Variants in CMPK1 observed in about 807,000 individuals in gnomAD.
The protein encoded by CMPK1 is cytidine/uridine monophosphate kinase 1.
A neutral mutation model predicts 25.7 loss-of-function variants in CMPK1; 10 were observed. That is an observed-to-expected ratio of 0.39 (90% CI 0.24 to 0.66). The LOEUF is 0.66. CMPK1 is among the 30% of genes least tolerant of loss of function. The pLI is 0.48. For synonymous variants in CMPK1, 106 were observed against 101.5 expected (o/e 1.04, Z -0.27); for missense variants, 199 against 280.5 (o/e 0.71, Z 2.08).
chr1:47,365,454 C>T (rs1042112717), intron 1 of CMPK1, among the ~76,000 whole-genome samples: 2 of 151,054 alleles, frequency 1.3e-5, no homozygotes, highest in Non-Finnish European at 3.0e-5. Context: ...GGTAACATGG[C>T]AAAACCCCAT....
chr1:47,366,252 G>A (rs550833283), intron 1 of CMPK1, among the ~76,000 whole-genome samples: 2 of 152,306 alleles, frequency 1.3e-5, no homozygotes, highest in East Asian at 3.9e-4. Context: ...TATAGTATTT[G>A]TAAGTTGCTA....
chr1:47,373,877 G>A (rs1646691918), intron 3 of CMPK1, among the ~76,000 whole-genome samples: 1 of 151,916 alleles, frequency 6.6e-6, no homozygotes. Flanking sequence ...GTAAAAAAAT[G>A]TACTTTTCTT....
chr1:47,358,788 ATAT>A (rs770392313), intron 1 of CMPK1: 2 of 984,080 alleles, frequency 2.0e-6, no homozygotes, highest in Non-Finnish European at 2.4e-6. Flanking sequence ...TGTTTGCTTA[ATAT>A]TATTATTTAG....
intron 1 of CMPK1, among the ~76,000 whole-genome samples, 160 bp from the exon 2 acceptor site, chr1:47,368,309 T>C (rs763921862): frequency 6.6e-6 from 1 of 152,342 alleles, no homozygotes; most frequent in Non-Finnish European, 1.5e-5. Flanking sequence ...AACTGGATTA[T>C]GGGAAATATC....
chr1:47,363,237 C>G (rs955958885), intron 1 of CMPK1, among the ~76,000 whole-genome samples: 3 of 152,162 alleles, frequency 2.0e-5, no homozygotes, highest in Non-Finnish European at 4.4e-5. Flanking sequence ...GAGGAGTGTA[C>G]TGAATGTGTA....
At chr1:47,375,716 C>T (rs1404945159) in intron 5 of CMPK1, among the ~76,000 whole-genome samples, 2 of 152,208 alleles carry the variant, frequency 1.3e-5, no homozygotes, top group African/African-American at 4.8e-5. Context: ...GAGCTCCAGG[C>T]TTCTTTCTTC....
chr1:47,347,064 T>C (rs1253105391), intron 1 of CMPK1, among the ~76,000 whole-genome samples: 2 of 152,166 alleles, frequency 1.3e-5, no homozygotes, highest in African/African-American at 4.8e-5. Context: ...ATTATAGGCA[T>C]GAGCCATTGT....
At chr1:47,353,521 T>G (rs1646536740) in intron 1 of CMPK1, among the ~76,000 whole-genome samples, 1 of 152,238 alleles carries the variant, frequency 6.6e-6, no homozygotes, top group Admixed American at 6.5e-5. Flanking sequence ...GCTGCTATTC[T>G]CTATCATGAT....
At chr1:47,351,933 G>A (rs1646525305) in intron 1 of CMPK1, among the ~76,000 whole-genome samples, 1 of 151,960 alleles carries the variant, frequency 6.6e-6, no homozygotes, top group Admixed American at 6.6e-5. Context: ...GTCAGGAGTT[G>A]ATGACCAGCC....
At chr1:47,337,042 T>C (rs1228362154) in intron 1 of CMPK1, among the ~76,000 whole-genome samples, 1 of 152,208 alleles carries the variant, frequency 6.6e-6, no homozygotes, top group Non-Finnish European at 1.5e-5. Context: ...CCCAGCAGTT[T>C]GGGAGGCCCA....
chr1:47,338,497 C>CTCCT lies in CMPK1; in HGVS notation c.171+4397_171+4400dup, dbSNP rs142999323. 6.0e-3 allele frequency among the ~76,000 whole-genome samples: 832 copies of CTCCT among 139,024 alleles called. 21 individuals carry two copies. Among genetic ancestry groups the CTCCT allele is most frequent in the Middle Eastern group, 7.9e-3 (2 of 252 alleles). 91.2% of individuals were successfully genotyped at this position (139,024 alleles called of 152,430 possible). On this transcript the variant is annotated intron_variant, in intron 1 of 5. Transcript: ENST00000371873. ...ATGTTTTTCAGTTTTGTTTGCTTTT[C>CTCCT]TCCTTCCTTCCTTCCTTCCCTCCCT...
rs547574574 is a variant in CMPK1, at chr1:47,334,566, C to G, written c.171+450C>G. On this transcript the variant is annotated intron_variant, in intron 1 of 5. Transcript: ENST00000371873. ...AGAGACCTATTTTTCTTCTCCGCGC[C>G]TTCCCTCTGGTTCCCTAAACTCCGC... Among the ~76,000 whole-genome samples, 23 of 152,326 alleles carry G rather than the reference C, an allele frequency of 1.5e-4. No homozygotes were observed. The East Asian group carries it at 4.3e-3, about 28-fold the overall frequency.
At chr1:47,373,915 C>T (rs986777861) in intron 3 of CMPK1, among the ~76,000 whole-genome samples, 2 of 152,158 alleles carry the variant, frequency 1.3e-5, no homozygotes, top group African/African-American at 4.8e-5. Context: ...TGAAGCCAGA[C>T]ATACTTTTGA....
intron 1 of CMPK1, among the ~76,000 whole-genome samples, chr1:47,366,877 A>T (rs1313273680): frequency 6.6e-6 from 1 of 152,016 alleles, no homozygotes; most frequent in Non-Finnish European, 1.5e-5. Context: ...GGCACCTGCA[A>T]CCACACCTGG....
chr1:47,352,862 T>C (rs1646532591), intron 1 of CMPK1, among the ~76,000 whole-genome samples: 1 of 152,198 alleles, frequency 6.6e-6, no homozygotes, highest in Non-Finnish European at 1.5e-5. Context: ...GATTGCGATA[T>C]TGTTTAAAAA....
At position 47,376,722 on chromosome 1, in the gene CMPK1, C is replaced by A; in HGVS notation, c.664C>A (p.Gln222Lys). 1 of 1,584,498 alleles carries A rather than the reference C, an allele frequency of 6.3e-7. No homozygotes were observed. Among genetic ancestry groups the A allele is most frequent in the Non-Finnish European group, 8.7e-7 (1 of 1,155,774 alleles). The change falls in exon 6 of 6, where the codon CAG (glutamine) becomes AAG (lysine). Residue 222 changes from glutamine (Q) to lysine (K), a missense_variant. Physicochemically the swap from Gln to Lys is moderately conservative, Grantham distance 53 (BLOSUM62 1). Transcript: ENST00000371873. ...SVDEVFDEVVQIFDKEG is the reference protein window; with the variant it reads ...SVDEVFDEVVKIFDKEG ...TTTACAGGTTTTTGATGAAGTTGTG[C>A]AGATTTTTGACAAGGAAGGCTAATT...
At chr1:47,338,361 C>T (rs998317415) in intron 1 of CMPK1, among the ~76,000 whole-genome samples, 3 of 152,272 alleles carry the variant, frequency 2.0e-5, no homozygotes, top group Non-Finnish European at 2.9e-5. Flanking sequence ...TCCTGGAGAC[C>T]TAGAGAAGGT....
chr1:47,343,717 C>T (rs1646461871), intron 1 of CMPK1, among the ~76,000 whole-genome samples: 1 of 151,942 alleles, frequency 6.6e-6, no homozygotes, highest in Admixed American at 6.6e-5. Context: ...AGTTCAAGAC[C>T]AGCCTGGGAA....
chr1:47,342,965 A>G (rs1285617936), intron 1 of CMPK1, among the ~76,000 whole-genome samples: 3 of 135,108 alleles, frequency 2.2e-5, no homozygotes, highest in Non-Finnish European at 3.2e-5. Context: ...TTTTAAAGTG[A>G]AATGGCATAA....
Sources: gnomAD v4.1 joint callset for allele counts (sites outside exome capture counted in the v4.1 genomes callset) on GRCh38, gnomAD v4.1.1 for gene constraint, MANE v1.5 for transcripts, NCBI Gene and HGNC (gene_info 2026-07-23, HGNC 2026-07-21) for gene names.